DYTN: variants seen among roughly 807,000 people sequenced by gnomAD.
DYTN encodes the protein dystrotelin.
DYTN carries 75 observed loss-of-function variants against 69.6 expected under a neutral mutation model. The ratio of observed to expected loss-of-function variants is 1.08; its 90% CI spans 0.89 to 1.31. DYTN has a LOEUF of 1.31. DYTN is among the 50% of genes most tolerant of loss of function. DYTN has a pLI of 0.00. For synonymous variants in DYTN, 252 were observed against 249.1 expected (o/e 1.01, Z -0.11); for missense variants, 726 against 688.4 (o/e 1.05, Z -0.61).
At chr2:206,672,867 G>A (rs1699644564) in intron 9 of DYTN, among the ~76,000 whole-genome samples, 2 of 152,180 alleles carry the variant, frequency 1.3e-5, no homozygotes, top group Admixed American at 6.5e-5. Flanking sequence ...TCTCTTTGAT[G>A]AAAAAACTTC....
chr2:206,667,111 T>C (rs1397174924), intron 9 of DYTN, among the ~76,000 whole-genome samples: 6 of 152,144 alleles, frequency 3.9e-5, no homozygotes, highest in African/African-American at 1.4e-4. Context: ...TCAAGCTATG[T>C]TGCTCTTCTG....
chr2:206,710,311 C>T (rs796987997), intron 2 of DYTN, among the ~76,000 whole-genome samples: 13 of 152,292 alleles, frequency 8.5e-5, no homozygotes, highest in African/African-American at 3.1e-4. Flanking sequence ...ACAATTATTT[C>T]TATTGCTCAT....
intron 3 of DYTN, 120 bp from the exon 4 acceptor site, chr2:206,705,993 T>C: frequency 9.8e-7 from 1 of 1,016,618 alleles, no homozygotes; most frequent in Non-Finnish European, 1.5e-6. Context: ...AAGTTCCAAC[T>C]TTTTGTGGCC....
chr2:206,663,163 G>A lies in DYTN; in HGVS notation c.1373C>T (p.Thr458Ile), dbSNP rs758233698. 1 of 1,613,904 alleles carries A rather than the reference G, an allele frequency of 6.2e-7. No homozygotes were observed. Among genetic ancestry groups the A allele is most frequent in the South Asian group, 1.1e-5 (1 of 91,072 alleles). Residue 458 changes from threonine (T) to isoleucine (I), a missense_variant, in exon 11 of 12, where the codon ACC becomes ATC. Physicochemically the swap from Thr to Ile is moderately conservative, Grantham distance 89 (BLOSUM62 -1). Coordinates refer to ENST00000452335, the MANE Select transcript of DYTN (RefSeq NM_001093730.1). The stretch of plus-strand genomic sequence containing the variant: ...TTGTGCCCTGGTGCTGTGCAAAGTG[G>A]TCTCTGGTGATTCTGGATTTCGCAG... Reference protein sequence around the residue: ...HALRNPESPETTLHSTRAQSQ... With the variant: ...HALRNPESPEITLHSTRAQSQ...
At chr2:206,716,438 G>A (rs1435403827) in intron 1 of DYTN, among the ~76,000 whole-genome samples, 3 of 152,164 alleles carry the variant, frequency 2.0e-5, no homozygotes, top group Non-Finnish European at 4.4e-5. Context: ...AGTGGACTGT[G>A]CCTAAACATT....
chr2:206,653,625 A>T (rs1699413861), intron 11 of DYTN, among the ~76,000 whole-genome samples: 1 of 152,246 alleles, frequency 6.6e-6, no homozygotes, highest in South Asian at 2.1e-4. Flanking sequence ...TCTTCTGGGC[A>T]ACTGGAATAC....
chr2:206,698,722 G>A (rs954137304), intron 7 of DYTN, among the ~76,000 whole-genome samples: 2 of 152,174 alleles, frequency 1.3e-5, no homozygotes, highest in Admixed American at 6.5e-5. Flanking sequence ...TTGACTGTTA[G>A]CCTCAAAGCT....
chr2:206,702,090 C>T, intron 5 of DYTN, among the ~76,000 whole-genome samples: 1 of 152,230 alleles, frequency 6.6e-6, no homozygotes, highest in East Asian at 1.9e-4. Flanking sequence ...ACATATATTT[C>T]AACGGCTCAA....
intron 6 of DYTN, 101 bp downstream of exon 6, chr2:206,700,044 C>G (rs779271879): frequency 3.4e-5 from 53 of 1,559,092 alleles, no homozygotes; most frequent in Non-Finnish European, 4.6e-5. Context: ...ATCTGAGATG[C>G]TATGTGGAGT....
Position 206,718,313 on chromosome 2 carries a change from G to C in DYTN, c.-34C>G, listed in dbSNP as rs370099249. ...TTTCCTGGAATGACAGATGGCAAGTGGGTCCCTGTAACTAGAAATGAACCA... is the reference window on the plus strand; with the variant it reads ...TTTCCTGGAATGACAGATGGCAAGTCGGTCCCTGTAACTAGAAATGAACCA... On this transcript the variant is annotated 5_prime_UTR_variant, in exon 1 of 12. Transcript: ENST00000452335. 277 of 1,598,170 alleles carry C rather than the reference G, an allele frequency of 1.7e-4. No homozygotes were observed. The highest frequency in any genetic ancestry group is 8.3e-4 in the Middle Eastern group (5 of 6,020).
In DYTN at chr2:206,663,314, C is replaced by T. The variant is rs551795566; in HGVS notation, c.1222G>A (p.Val408Ile). 16 of 1,613,984 alleles carry T rather than the reference C, an allele frequency of 9.9e-6. No individual in the cohort carries two copies. In the East Asian group the frequency reaches 2.0e-4, roughly 20 times the overall value. Residue 408 changes from valine to isoleucine, a missense_variant, in exon 11 of 12, where the codon GTT (valine) becomes ATT (isoleucine). Val to Ile is a conservative substitution (Grantham distance 29). Transcript: ENST00000452335. ...NKVDHSSTEK[V>I]PKGGDYLQIK... is the part of the protein sequence containing the mutation. ...TGCAAATAATCCCCTCCCTTTGGAA[C>T]CTTTTCAGTTGAAGAATGGTCAACC...
chr2:206,684,098 C>A (rs185251109), intron 9 of DYTN, among the ~76,000 whole-genome samples: 3 of 151,322 alleles, frequency 2.0e-5, no homozygotes, highest in East Asian at 3.9e-4. Context: ...TTGATGTAGC[C>A]CAAGTTCCTA....
In DYTN at chr2:206,718,322, T is replaced by C; in HGVS notation, c.-43A>G. ...ATGACAGATGGCAAGTGGGTCCCTG[T>C]AACTAGAAATGAACCAGTATTTTAA... On this transcript the variant is annotated 5_prime_UTR_variant, in exon 1 of 12. Coordinates refer to ENST00000452335, the MANE Select transcript of DYTN (RefSeq NM_001093730.1). The C allele has an allele frequency of 6.3e-7, 1 of 1,591,684 alleles. No individual in the cohort carries two copies. Among genetic ancestry groups the C allele is most frequent in the Non-Finnish European group, 8.6e-7 (1 of 1,168,032 alleles).
intron 8 of DYTN, among the ~76,000 whole-genome samples, 192 bp downstream of exon 8, chr2:206,694,574 A>G (rs1439416987): frequency 1.3e-5 from 2 of 152,174 alleles, no homozygotes; most frequent in Non-Finnish European, 2.9e-5. Context: ...TTCCACTGAG[A>G]CATACAATGT....
intron 9 of DYTN, among the ~76,000 whole-genome samples, chr2:206,689,255 T>C (rs370538509): frequency 1.3e-5 from 2 of 152,222 alleles, no homozygotes; most frequent in East Asian, 3.8e-4. Flanking sequence ...ATGCAGATAG[T>C]TTGCTGAATC....
At chr2:206,712,969 TG>T (rs1311384451) in intron 1 of DYTN, among the ~76,000 whole-genome samples, 1 of 152,336 alleles carries the variant, frequency 6.6e-6, no homozygotes, top group East Asian at 1.9e-4. Flanking sequence ...ATCACCCTCT[TG>T]TCAGGCTGTG....
chr2:206,695,489 T>C (rs1328869522), intron 7 of DYTN, among the ~76,000 whole-genome samples: 2 of 152,212 alleles, frequency 1.3e-5, no homozygotes, highest in East Asian at 1.9e-4. Context: ...TCTTGACCCA[T>C]CAACATTGGA....
At chr2:206,659,423 C>T (rs777019305) in intron 11 of DYTN, among the ~76,000 whole-genome samples, 2 of 146,560 alleles carry the variant, frequency 1.4e-5, no homozygotes, top group Non-Finnish European at 1.5e-5. Context: ...ATCTGCCCGC[C>T]TCGGTCTCCC....
chr2:206,716,389 A>G (rs1356670480), intron 1 of DYTN, among the ~76,000 whole-genome samples: 1 of 152,194 alleles, frequency 6.6e-6, no homozygotes, highest in Non-Finnish European at 1.5e-5. Context: ...TCCAACAGTC[A>G]GCATATGATC....
Sources: gnomAD v4.1 joint callset for allele counts (sites outside exome capture counted in the v4.1 genomes callset) on GRCh38, gnomAD v4.1.1 for gene constraint, MANE v1.5 for transcripts, NCBI Gene and HGNC (gene_info 2026-07-23, HGNC 2026-07-21) for gene names.